The following TBCEL variants were observed in gnomAD, a reference collection of about 807,000 sequenced individuals.
TBCEL encodes tubulin-specific chaperone cofactor E-like protein.
A neutral mutation model predicts 44.2 loss-of-function variants in TBCEL; 15 were observed. The ratio of observed to expected loss-of-function variants is 0.34; its 90% CI spans 0.23 to 0.52. TBCEL has a LOEUF of 0.52. Ranked by LOEUF, TBCEL falls within the 20% of genes least tolerant of loss-of-function variation. The pLI, the probability that TBCEL is intolerant of heterozygous loss-of-function variation, is 0.95. For missense variants in TBCEL, 319 were observed against 506.3 expected (o/e 0.63, Z 3.55); for synonymous variants, 171 against 185.4 (o/e 0.92, Z 0.63).
At chr11:121,033,620 T>C (rs1945180375) in intron 1 of TBCEL, among the ~76,000 whole-genome samples, 1 of 152,194 alleles carries the variant, frequency 6.6e-6, no homozygotes, top group Admixed American at 6.5e-5. Flanking sequence ...TACACTATAT[T>C]CCTGTATTTT....
chr11:121,076,179 A>G (rs747858442), intron 8 of TBCEL, among the ~76,000 whole-genome samples: 5 of 151,866 alleles, frequency 3.3e-5, no homozygotes, highest in Non-Finnish European at 1.5e-5. Context: ...CTTGCCTTAC[A>G]TATAAATATT....
intron 4 of TBCEL, among the ~76,000 whole-genome samples, chr11:121,049,562 A>G (rs1312235793): frequency 2.6e-5 from 4 of 151,824 alleles, no homozygotes; most frequent in Non-Finnish European, 5.9e-5. Flanking sequence ...ATTTGTATAT[A>G]TATTTATTTA....
At chr11:121,062,756 T>C (rs1945747604) in intron 8 of TBCEL, among the ~76,000 whole-genome samples, 1 of 152,138 alleles carries the variant, frequency 6.6e-6, no homozygotes, top group African/African-American at 2.4e-5. Flanking sequence ...AATTGTTAGG[T>C]AGGATGGAAA....
At chr11:121,054,832 A>G (rs1402115749) in intron 5 of TBCEL, 9 of 387,122 alleles carry the variant, frequency 2.3e-5, no homozygotes, top group Non-Finnish European at 4.0e-5. Flanking sequence ...GTAATTTCGC[A>G]CTACCTTATA....
chr11:121,060,124 G>A (rs367973304), intron 8 of TBCEL, 39 bp downstream of exon 8: 24 of 1,445,958 alleles, frequency 1.7e-5, no homozygotes, highest in African/African-American at 7.0e-5. Context: ...TTAGAGGGTG[G>A]TGATGCCAGT....
intron 1 of TBCEL, among the ~76,000 whole-genome samples, chr11:121,032,779 A>G (rs932425275): frequency 2.6e-5 from 4 of 152,240 alleles, no homozygotes; most frequent in African/African-American, 9.6e-5. Flanking sequence ...TGAAACAAGA[A>G]GGCGTAGTGC....
chr11:121,062,962 T>C (rs1204223523), intron 8 of TBCEL, among the ~76,000 whole-genome samples: 3 of 152,128 alleles, frequency 2.0e-5, no homozygotes, highest in African/African-American at 4.8e-5. Flanking sequence ...TCCTTTTTTT[T>C]CTCCATTTAA....
chr11:121,069,665 G>T (rs962693457), intron 8 of TBCEL, among the ~76,000 whole-genome samples: 1 of 152,090 alleles, frequency 6.6e-6, no homozygotes, highest in Non-Finnish European at 1.5e-5. Flanking sequence ...GGTGGTGCAT[G>T]CCTGTAGTCT....
At chr11:121,045,560 A>C (rs1945414951) in intron 2 of TBCEL, 114 bp from the exon 3 acceptor site, 2 of 790,292 alleles carry the variant, frequency 2.5e-6, no homozygotes, top group Admixed American at 3.5e-5. Flanking sequence ...ACTAAGTATC[A>C]TATGTCTTGC....
intron 6 of TBCEL, among the ~76,000 whole-genome samples, chr11:121,056,808 C>A (rs1221109019): frequency 6.6e-6 from 1 of 151,820 alleles, no homozygotes; most frequent in African/African-American, 2.4e-5. Context: ...GTCTGTGGCC[C>A]ATTTTGTAGC....
chr11:121,078,977 C>G (rs1365661899), intron 8 of TBCEL, among the ~76,000 whole-genome samples: 1 of 152,168 alleles, frequency 6.6e-6, no homozygotes, highest in East Asian at 1.9e-4. Context: ...GTATAGTATT[C>G]TATCATATGA....
intron 8 of TBCEL, among the ~76,000 whole-genome samples, chr11:121,072,713 A>G (rs1945958605): frequency 6.6e-6 from 1 of 152,138 alleles, no homozygotes; most frequent in Non-Finnish European, 1.5e-5. Flanking sequence ...AAAACTTTAA[A>G]ATTTTAATGT....
intron 8 of TBCEL, among the ~76,000 whole-genome samples, chr11:121,080,964 C>T (rs1946114095): frequency 6.6e-6 from 1 of 152,214 alleles, no homozygotes. Context: ...TAGAGCTAGC[C>T]TGGTTCCACC....
intron 8 of TBCEL, among the ~76,000 whole-genome samples, chr11:121,061,157 A>T (rs1945713948): frequency 6.6e-6 from 1 of 152,202 alleles, no homozygotes; most frequent in African/African-American, 2.4e-5. Flanking sequence ...GGGAAAATAG[A>T]TACTACTTTA....
chr11:121,081,224 T>C (rs574290349), intron 8 of TBCEL, among the ~76,000 whole-genome samples: 258 of 152,352 alleles, frequency 1.7e-3, no homozygotes, highest in African/African-American at 5.5e-3. Context: ...CACGTGGTTA[T>C]GCTGGCCTTT....
At chr11:121,079,878 A>C (rs1319314175) in intron 8 of TBCEL, among the ~76,000 whole-genome samples, 2 of 152,080 alleles carry the variant, frequency 1.3e-5, no homozygotes, top group African/African-American at 4.8e-5. Flanking sequence ...GCAGTGGTGC[A>C]ATCTCGGCTC....
At chr11:121,033,086 C>G (rs546921816) in intron 1 of TBCEL, among the ~76,000 whole-genome samples, 33 of 152,062 alleles carry the variant, frequency 2.2e-4, no homozygotes, top group Non-Finnish European at 4.3e-4. Flanking sequence ...TGCTATGAAT[C>G]TTTGTAATAC....
chr11:121,073,012 T>A (rs1159477034), intron 8 of TBCEL, among the ~76,000 whole-genome samples: 5 of 152,164 alleles, frequency 3.3e-5, no homozygotes, highest in Non-Finnish European at 5.9e-5. Context: ...TTGGTGTATT[T>A]GTCCATCCCT....
At chr11:121,066,508 A>G (rs1326888257) in intron 8 of TBCEL, among the ~76,000 whole-genome samples, 1 of 152,128 alleles carries the variant, frequency 6.6e-6, no homozygotes, top group Non-Finnish European at 1.5e-5. Flanking sequence ...TATATCTACT[A>G]TAGTACCTGT....
Sources: allele counts gnomAD v4.1 joint callset (sites outside exome capture counted in the v4.1 genomes callset), GRCh38; gene constraint gnomAD v4.1.1; transcripts MANE v1.5; gene names NCBI Gene and HGNC (gene_info 2026-07-23, HGNC 2026-07-21).